IGF2BP1: variants seen among roughly 807,000 people sequenced by gnomAD.
IGF2BP1 encodes the protein insulin like growth factor 2 mRNA binding protein 1.
In IGF2BP1, 11 loss-of-function variants were observed where a neutral mutation model predicts 74.9. The observed-to-expected ratio is 0.15, with a 90% CI of 0.09 to 0.24. IGF2BP1 has a LOEUF of 0.24. Ranked by LOEUF, IGF2BP1 falls within the 10% of genes least tolerant of loss-of-function variation. The pLI is 1.00. For synonymous variants in IGF2BP1, 287 were observed against 281.8 expected, an observed-to-expected ratio of 1.02 and a Z score of -0.18; for missense variants, 440 against 757.4, an observed-to-expected ratio of 0.58 and a Z score of 4.92.
At chr17:49,031,858 A>G in intron 4 of IGF2BP1, 52 bp from the exon 5 acceptor site, 1 of 1,517,116 alleles carries the variant, frequency 6.6e-7, no homozygotes, top group Non-Finnish European at 9.1e-7. Flanking sequence ...GGATTCATTG[A>G]TTGGGCCTCC....
intron 4 of IGF2BP1, among the ~76,000 whole-genome samples, chr17:49,030,864 G>A (rs1454166637): frequency 1.3e-5 from 2 of 151,958 alleles, no homozygotes; most frequent in Non-Finnish European, 2.9e-5. Context: ...CCTGACCTCA[G>A]GTGATCTACC....
chr17:48,999,266 C>T (rs2041454465), intron 2 of IGF2BP1, 97 bp downstream of exon 2: 1 of 750,770 alleles, frequency 1.3e-6, no homozygotes, highest in Admixed American at 2.3e-5. Flanking sequence ...GGAAGAAACC[C>T]ATTACTGGTC....
At chr17:49,031,765 A>C in intron 4 of IGF2BP1, 145 bp from the exon 5 acceptor site, 1 of 728,716 alleles carries the variant, frequency 1.4e-6, no homozygotes, top group Non-Finnish European at 2.4e-6. Flanking sequence ...CCCTCCCAAG[A>C]TGCTAGGATT....
intron 2 of IGF2BP1, among the ~76,000 whole-genome samples, chr17:49,023,815 C>A (rs952203860): frequency 1.3e-5 from 2 of 151,900 alleles, no homozygotes; most frequent in Non-Finnish European, 2.9e-5. Context: ...TGCATCAAGT[C>A]AATTTAAAAA....
intron 4 of IGF2BP1, among the ~76,000 whole-genome samples, chr17:49,031,400 G>C (rs942575876): frequency 3.5e-4 from 53 of 152,076 alleles, no homozygotes; most frequent in African/African-American, 1.2e-3. Flanking sequence ...ACCATGCTCT[G>C]CCTGGTAAAT....
In IGF2BP1 at chr17:48,997,887, C is replaced by A; in HGVS notation, c.142C>A (p.His48Asn). Residue 48 changes from histidine to asparagine, a missense_variant, in exon 1 of 15, where the codon CAC (histidine) becomes AAC (asparagine). Transcript: ENST00000290341. This position sits in a 1 kb window ranked among gnomAD's most constrained non-coding sequence, Gnocchi z 4.8. ...CGCCTTCGTGGACTGCCCGGACGAG[C>A]ACTGGGCGATGAAGGCCATCGAAAC... ...GYAFVDCPDE[H>N]WAMKAIETFS... The A allele has an allele frequency of 6.2e-7, 1 of 1,614,004 alleles. No individual in the cohort carries two copies. The highest frequency in any genetic ancestry group is 1.3e-5 in the African/African-American group (1 of 75,052).
At chr17:48,999,504 C>T (rs889038644) in intron 2 of IGF2BP1, among the ~76,000 whole-genome samples, 6 of 151,784 alleles carry the variant, frequency 4.0e-5, no homozygotes, top group Non-Finnish European at 8.8e-5. Flanking sequence ...ACCTTAAAAT[C>T]TTTGAAGAGT....
At chr17:49,021,319 A>G (rs1209970783) in intron 2 of IGF2BP1, among the ~76,000 whole-genome samples, 2 of 151,834 alleles carry the variant, frequency 1.3e-5, no homozygotes, top group African/African-American at 2.4e-5. Flanking sequence ...TGCTTCCTGA[A>G]TCTCTTACTT....
chr17:49,024,289 G>A (rs1303893410), intron 2 of IGF2BP1, among the ~76,000 whole-genome samples: 2 of 151,926 alleles, frequency 1.3e-5, no homozygotes, highest in African/African-American at 4.8e-5. Context: ...GCATGCGCAT[G>A]TGGTCCCAGC....
At chr17:49,035,291 A>G (rs911809945) in intron 5 of IGF2BP1, among the ~76,000 whole-genome samples, 1 of 152,230 alleles carries the variant, frequency 6.6e-6, no homozygotes, top group South Asian at 2.1e-4. Context: ...TGAACACACA[A>G]ATTAATTCAA....
At position 49,043,504 on chromosome 17, in the gene IGF2BP1, C is replaced by A. The variant is rs748846744; in HGVS notation, c.1154C>A (p.Pro385Gln). 13 of 1,613,994 alleles carry A rather than the reference C, an allele frequency of 8.1e-6. No homozygotes were observed. The East Asian group carries it at 2.9e-4, about 36-fold the overall frequency. ...LFPASSSAVP[P>Q]PPSSVTGAAP... ...CCAGCTTCATCCAGCGCAGTCCCGC[C>A]GCCTCCCAGCAGCGTTACTGGGGCT... Residue 385 changes from proline to glutamine, a missense_variant, in exon 10 of 15, where the codon CCG (proline) becomes CAG (glutamine). Around this residue, in one of 5 missense-constraint regions of IGF2BP1, gnomAD observed 31 missense variants for 27.0 expected, o/e 1.15. Transcript: ENST00000290341.
intron 2 of IGF2BP1, among the ~76,000 whole-genome samples, chr17:49,023,257 GACTT>G (rs2041813521): frequency 1.3e-5 from 2 of 152,190 alleles, no homozygotes; most frequent in South Asian, 4.1e-4. Flanking sequence ...GCTATAATCT[GACTT>G]ACTTAGGTCA....
chr17:49,046,415 C>A, intron 14 of IGF2BP1, 42 bp downstream of exon 14: 1 of 1,459,816 alleles, frequency 6.9e-7, no homozygotes, highest in Non-Finnish European at 9.6e-7. Flanking sequence ...CTGCAGGAGC[C>A]CAGGGAGCAG....
chr17:49,004,565 A>T (rs369491639), intron 2 of IGF2BP1: 1 of 152,240 alleles, frequency 6.6e-6, no homozygotes, highest in Non-Finnish European at 1.5e-5. Context: ...GTAACCTGCA[A>T]TCTTTACAAA....
In IGF2BP1 at chr17:49,055,441, T is replaced by G; in HGVS notation, c.*5997T>G. 10 of 325,808 alleles carry G rather than the reference T, an allele frequency of 3.1e-5. No individual in the cohort carries two copies. Among genetic ancestry groups the G allele is most frequent in the Non-Finnish European group, 4.4e-5 (8 of 180,786 alleles). The allele number at this position is 325,808 out of a possible 1,614,324, so 20.2% of individuals were successfully genotyped here. On this transcript the variant is annotated 3_prime_UTR_variant, in exon 15 of 15. Transcript: ENST00000290341. ...TGACTTCAGTCACCCCTGTCCCCCC[T>G]CCCCTGCCAATAAGCTCCCCCAGGA... is the stretch of plus-strand genomic sequence containing the variant.
chr17:49,043,624 C>T (rs1054280201), intron 10 of IGF2BP1, 74 bp downstream of exon 10: 2 of 1,549,076 alleles, frequency 1.3e-6, no homozygotes, highest in Non-Finnish European at 1.8e-6. Context: ...TCAGCATGCT[C>T]TGGGAGTTGG....
chr17:49,028,246 G>GAT (rs932656883), intron 4 of IGF2BP1, among the ~76,000 whole-genome samples: 1 of 152,208 alleles, frequency 6.6e-6, no homozygotes, highest in African/African-American at 2.4e-5. Flanking sequence ...AGGTAGATAA[G>GAT]ATACTGGGTT....
intron 7 of IGF2BP1, 60 bp downstream of exon 7, chr17:49,040,151 C>T: frequency 1.3e-6 from 2 of 1,584,992 alleles, no homozygotes; most frequent in African/African-American, 1.4e-5. Context: ...GCCTCCCCAA[C>T]TCAACTTTCA....
chr17:49,015,404 C>T (rs963348022), intron 2 of IGF2BP1, among the ~76,000 whole-genome samples: 1 of 152,178 alleles, frequency 6.6e-6, no homozygotes, highest in Non-Finnish European at 1.5e-5. Flanking sequence ...TTCCCTCGGT[C>T]GGAGCTTAGT....
Sources: allele counts gnomAD v4.1 joint callset (sites outside exome capture counted in the v4.1 genomes callset), GRCh38; gene constraint gnomAD v4.1.1; regional missense constraint gnomAD v4.1.1; non-coding constraint Gnocchi (gnomAD v3.1); transcripts MANE v1.5; gene names NCBI Gene and HGNC (gene_info 2026-07-23, HGNC 2026-07-21).